The following DGCR2 variants were observed in gnomAD, a reference collection of about 807,000 sequenced individuals.
DGCR2 encodes DiGeorge syndrome critical region gene 2.
In DGCR2, 24 loss-of-function variants were observed where a neutral mutation model predicts 51.6. The observed-to-expected ratio is 0.47, with a 90% CI of 0.34 to 0.65. The LOEUF is 0.65. Ranked by LOEUF, DGCR2 falls within the 30% of genes least tolerant of loss-of-function variation. The pLI, the probability that DGCR2 is intolerant of heterozygous loss-of-function variation, is 0.01. For synonymous variants in DGCR2, 340 were observed against 315.4 expected (o/e 1.08, Z -0.82); for missense variants, 765 against 772.1 (o/e 0.99, Z 0.11).
intron 1 of DGCR2, among the ~76,000 whole-genome samples, chr22:19,106,300 T>C (rs1265750084): frequency 6.6e-6 from 1 of 152,176 alleles, no homozygotes; most frequent in Non-Finnish European, 1.5e-5. Flanking sequence ...GGAACAATCC[T>C]GGGAGGTCCT....
At chr22:19,117,130 A>G (rs1601318968) in intron 1 of DGCR2, among the ~76,000 whole-genome samples, 2 of 152,100 alleles carry the variant, frequency 1.3e-5, no homozygotes, top group Non-Finnish European at 2.9e-5. Flanking sequence ...TAACAAGATT[A>G]CCTGCCGTCA....
intron 5 of DGCR2, among the ~76,000 whole-genome samples, chr22:19,062,754 TGC>T (rs1188088942): frequency 2.2e-5 from 3 of 137,142 alleles, no homozygotes; most frequent in Non-Finnish European, 5.0e-5. Context: ...ATAAAATCTT[TGC>T]GCACACACAC....
chr22:19,092,764 T>C (rs2083092535), intron 1 of DGCR2, among the ~76,000 whole-genome samples: 1 of 152,210 alleles, frequency 6.6e-6, no homozygotes. Flanking sequence ...TGTGAAGTCC[T>C]GTACACTGAA....
At chr22:19,046,167 C>T (rs2082487440) in intron 7 of DGCR2, 1 of 152,160 alleles carries the variant, frequency 6.6e-6, no homozygotes, top group Admixed American at 6.5e-5. Context: ...AACATGGTAT[C>T]TTTCCTTTTA....
intron 1 of DGCR2, among the ~76,000 whole-genome samples, chr22:19,107,049 T>C (rs377219085): frequency 2.6e-5 from 4 of 152,190 alleles, no homozygotes; most frequent in Non-Finnish European, 5.9e-5. Flanking sequence ...CAAAATATTT[T>C]ACACCTGCAA....
intron 6 of DGCR2, among the ~76,000 whole-genome samples, chr22:19,050,829 G>C (rs1253099048): frequency 6.6e-6 from 1 of 152,048 alleles, no homozygotes. Context: ...TAAAATTTTA[G>C]GAAAAAAACA....
At chr22:19,044,197 T>C (rs2146305886) in intron 7 of DGCR2, among the ~76,000 whole-genome samples, 1 of 152,272 alleles carries the variant, frequency 6.6e-6, no homozygotes, top group South Asian at 2.1e-4. Context: ...AAGCCACTTG[T>C]AGTCAAGCAC....
chr22:19,062,775 G>GCTCTCTCTCTCT (rs1491258740), intron 5 of DGCR2, among the ~76,000 whole-genome samples: 15 of 108,954 alleles, frequency 1.4e-4, no homozygotes, highest in East Asian at 2.9e-4. Flanking sequence ...ACACATGCAT[G>GCTCTCTCTCTCT]CTCACTCTCT....
intron 1 of DGCR2, among the ~76,000 whole-genome samples, chr22:19,105,529 C>T (rs563531651): frequency 1.9e-4 from 29 of 152,172 alleles, no homozygotes; most frequent in African/African-American, 7.0e-4. Flanking sequence ...CTGGCAAGCA[C>T]CCATTCTGAA....
chr22:19,062,537 C>T (rs2082676134), intron 5 of DGCR2, among the ~76,000 whole-genome samples: 1 of 152,154 alleles, frequency 6.6e-6, no homozygotes, highest in Non-Finnish European at 1.5e-5. Context: ...GCACAAAGTA[C>T]AGCCCAACAG....
chr22:19,120,531 T>C (rs114838514), intron 1 of DGCR2, among the ~76,000 whole-genome samples: 1,754 of 152,270 alleles, frequency 0.012, 38 homozygotes, highest in African/African-American at 0.04. Context: ...CAGTTGCTGC[T>C]GGCCAGTTGG....
intron 2 of DGCR2, among the ~76,000 whole-genome samples, chr22:19,071,569 T>C (rs1368980152): frequency 6.6e-6 from 1 of 152,158 alleles, no homozygotes; most frequent in East Asian, 1.9e-4. Context: ...CCTGGACTCT[T>C]CAAATATGGC....
chr22:19,040,838 T>C (rs1184569255), intron 9 of DGCR2, among the ~76,000 whole-genome samples: 6 of 152,100 alleles, frequency 3.9e-5, no homozygotes, highest in African/African-American at 1.4e-4. Context: ...TCCCAGGCCT[T>C]CTCAGAGCTC....
chr22:19,121,152 C>T (rs1172286577), intron 1 of DGCR2, among the ~76,000 whole-genome samples: 3 of 152,224 alleles, frequency 2.0e-5, no homozygotes, highest in Admixed American at 2.0e-4. Context: ...GAGAAGATGG[C>T]CCTGGCACTT....
At chr22:19,039,424 C>G (rs1468730853) in intron 9 of DGCR2, among the ~76,000 whole-genome samples, 2 of 152,214 alleles carry the variant, frequency 1.3e-5, no homozygotes, top group Non-Finnish European at 2.9e-5. Flanking sequence ...GGGAGACACA[C>G]TGACCAGCAG....
rs561308778 is a variant in DGCR2, at chr22:19,076,255, G to A, written c.203-8030C>T. Among the ~76,000 whole-genome samples, 705 of 149,078 alleles carry A rather than the reference G, an allele frequency of 4.7e-3. 2 individuals are homozygous for A. The highest frequency in any genetic ancestry group is 0.017 in the African/African-American group (671 of 38,516). Reference sequence around the variant, plus strand: ...AGCTCACTGCAACTTTCGCCTCCTGGGTTCAAGTGATTCTCCTGCCTCAGC... The same window carrying A: ...AGCTCACTGCAACTTTCGCCTCCTGAGTTCAAGTGATTCTCCTGCCTCAGC... On this transcript the variant is annotated intron_variant, in intron 2 of 9. Coordinates refer to ENST00000263196, the MANE Select transcript of DGCR2 (RefSeq NM_005137.3).
chr22:19,086,097 A>G (rs2083011874), intron 2 of DGCR2, among the ~76,000 whole-genome samples: 1 of 152,204 alleles, frequency 6.6e-6, no homozygotes, highest in Non-Finnish European at 1.5e-5. Context: ...CATTAATTCA[A>G]GGAAGTAAGA....
intron 7 of DGCR2, among the ~76,000 whole-genome samples, chr22:19,045,599 TTTTA>T (rs1490889687): frequency 1.3e-5 from 2 of 152,240 alleles, no homozygotes; most frequent in East Asian, 3.8e-4. Context: ...TTATCTACCT[TTTTA>T]TTTAAGAGAC....
chr22:19,111,858 TTA>T (rs781767472), intron 1 of DGCR2, among the ~76,000 whole-genome samples: 19,183 of 144,854 alleles, frequency 0.13, 1,036 homozygotes, highest in South Asian at 0.24. Flanking sequence ...TTTTATTTAT[TTA>T]TTTTTTTTTG....
Sources: gnomAD v4.1 joint callset for allele counts (sites outside exome capture counted in the v4.1 genomes callset) on GRCh38, gnomAD v4.1.1 for gene constraint, MANE v1.5 for transcripts, NCBI Gene and HGNC (gene_info 2026-07-23, HGNC 2026-07-21) for gene names.